The following PSMD10 variants were observed in gnomAD, a reference collection of about 807,000 sequenced individuals.
PSMD10 encodes proteasome 26S subunit, non-ATPase 10.
In PSMD10, 2 loss-of-function variants were observed where a neutral mutation model predicts 13.2. The ratio of observed to expected loss-of-function variants is 0.15; its 90% CI spans 0.06 to 0.48. The LOEUF is 0.48. PSMD10 is among the 20% of genes least tolerant of loss of function. The probability of loss-of-function intolerance (pLI) is 0.97; values close to 1 mark genes in which losing one functional copy is unlikely to be tolerated. For synonymous variants in PSMD10, 66 were observed against 64.4 expected (o/e 1.03, Z -0.12); for missense variants, 120 against 167.4 (o/e 0.72, Z 1.56).
intron 2 of PSMD10, 129 bp downstream of exon 2, chrX:108,088,623 T>C: frequency 4.1e-6 from 2 of 491,929 alleles, no homozygotes; most frequent in South Asian, 3.8e-5. Flanking sequence ...ACAAGGGCCA[T>C]GATGTAACTT....
chrX:108,090,676 G>C (rs1055353920), intron 1 of PSMD10, among the ~76,000 whole-genome samples: 2 of 111,863 alleles, frequency 1.8e-5, no homozygotes, highest in African/African-American at 6.5e-5. Context: ...AAATATTTGT[G>C]GGCTTACTAA....
rs1363477251 is a variant in PSMD10, at chrX:108,084,547, T to C, written c.*427A>G. The stretch of plus-strand genomic sequence containing the variant: ...ACGTTTGGCGTAGGCCTGAGTGAGC[T>C]TGAAAAACAAGTTAGGATGTTTTAA... On this transcript the variant is annotated 3_prime_UTR_variant, in exon 5 of 5. Transcript: ENST00000217958. 1 of 114,791 alleles carries C rather than the reference T, an allele frequency of 8.7e-6. No homozygotes were observed. The highest frequency in any genetic ancestry group is 1.8e-5 in the Non-Finnish European group (1 of 54,642). The allele number at this position is 114,791 out of a possible 1,213,427, so 9.5% of individuals were successfully genotyped here. A position where few individuals can be genotyped will look rare whatever the true frequency, so the allele number is the denominator to read the frequency against.
chrX:108,087,582 C>G (rs747488537), intron 4 of PSMD10, 104 bp downstream of exon 4: 1 of 1,062,235 alleles, frequency 9.4e-7, no homozygotes, highest in Admixed American at 3.1e-5. Flanking sequence ...GCCATTAACA[C>G]GTATTGCATT....
At chrX:108,088,209 C>A in intron 2 of PSMD10, 110 bp from the exon 3 acceptor site, 1 of 799,864 alleles carries the variant, frequency 1.3e-6, no homozygotes, top group South Asian at 2.9e-5. Context: ...AAATATTTGC[C>A]TACAAAAAAG....
chrX:108,088,880 T>G (rs1171920834), intron 1 of PSMD10, 30 bp from the exon 2 acceptor site: 1 of 1,071,719 alleles, frequency 9.3e-7, no homozygotes. Flanking sequence ...GAAACATTCT[T>G]GAAATAGAAG....
chrX:108,091,493 C>T lies in PSMD10; in HGVS notation c.28G>A (p.Val10Ile). MEGCVSNLM[V>I]CNLAYSGKLE... Reference sequence around the variant, plus strand: ...TTCCCGCTGTAGGCCAGGTTGCAGACCATTAGGTTAGACACACACCCCTCC... The same window carrying T: ...TTCCCGCTGTAGGCCAGGTTGCAGATCATTAGGTTAGACACACACCCCTCC... The change falls in exon 1 of 5, where the codon GTC becomes ATC. Residue 10 changes from valine to isoleucine, a missense_variant. Transcript: ENST00000217958. 1.6e-6 allele frequency: 2 copies of T among 1,212,153 alleles called. No homozygotes were observed. The highest frequency in any genetic ancestry group is 4.3e-5 in the Admixed American group (2 of 46,154).
intron 1 of PSMD10, among the ~76,000 whole-genome samples, chrX:108,090,181 A>G (rs1392836163): frequency 8.9e-6 from 1 of 112,304 alleles, no homozygotes; most frequent in Non-Finnish European, 1.9e-5. Flanking sequence ...CTATGAGACC[A>G]TTATTACACT....
In PSMD10 at chrX:108,087,810, T is replaced by C; in HGVS notation, c.403A>G (p.Lys135Glu). 1.7e-6 allele frequency: 2 copies of C among 1,211,753 alleles called. No individual in the cohort carries two copies. Among genetic ancestry groups the C allele is most frequent in the African/African-American group, 1.7e-5 (1 of 57,767 alleles). Residue 135 changes from lysine (K) to glutamate (E), a missense_variant, in exon 4 of 5, where the codon AAG becomes GAG. By Grantham distance (56) the Lys-to-Glu change is moderately conservative. Around this residue, in one of 3 missense-constraint regions of PSMD10, gnomAD observed 68 missense variants for 124.8 expected, o/e 0.54. Transcript: ENST00000217958. ...ATTGCTGTAGCCTCATAATGGTCCT[T>C]AGCATCTGGATTAGCCCCGCCTTCC... ...LLEGGANPDAKDHYEATAMHR... is the reference protein window; with the variant it reads ...LLEGGANPDAEDHYEATAMHR...
rs2031472088 is a variant in PSMD10, at chrX:108,084,509, A to T, written c.*465T>A. 1 of 113,003 alleles carries T rather than the reference A, an allele frequency of 8.8e-6. No homozygotes were observed. The highest frequency in any genetic ancestry group is 3.6e-4 in the South Asian group (1 of 2,787). 9.3% of individuals were successfully genotyped at this position (113,003 alleles called of 1,213,427 possible). On this transcript the variant is annotated 3_prime_UTR_variant, in exon 5 of 5. Transcript: ENST00000217958. ...CAAAAATAAATTAAACCTCATGGTT[A>T]AAAAAAACAGAAACGTTTGGCGTAG...
At chrX:108,088,617 G>C in intron 2 of PSMD10, 135 bp downstream of exon 2, 3 of 473,552 alleles carry the variant, frequency 6.3e-6, no homozygotes, top group Non-Finnish European at 1.1e-5. Flanking sequence ...TTGATCACAA[G>C]GGCCATGATG....
intron 1 of PSMD10, among the ~76,000 whole-genome samples, chrX:108,090,681 T>C (rs1271414594): frequency 8.9e-6 from 1 of 112,006 alleles, no homozygotes; most frequent in East Asian, 2.8e-4. Flanking sequence ...TTTGTGGGCT[T>C]ACTAAAGGCA....
Position 108,085,106 on chromosome X carries a change from C to T in PSMD10, c.549G>A (p.Glu183=). 1 of 1,205,313 alleles carries T rather than the reference C, an allele frequency of 8.3e-7. No homozygotes were observed. The highest frequency in any genetic ancestry group is 1.1e-6 in the Non-Finnish European group (1 of 892,604). ...CCAGCAGTTTTGCTTCTTCCACTCT[C>T]TCCTCATCACAGGCTAAGTGTCTGA... The part of the protein sequence containing the change: ...NTPLHLACDE[E]RVEEAKLLVS... Residue 183 remains glutamate, a synonymous_variant, in exon 5 of 5, where the codon GAG becomes GAA. Coordinates refer to ENST00000217958, the MANE Select transcript of PSMD10 (RefSeq NM_002814.4).
chrX:108,084,808 G>A lies in PSMD10; in HGVS notation c.*166C>T, dbSNP rs1186791767. On this transcript the variant is annotated 3_prime_UTR_variant, in exon 5 of 5. Transcript: ENST00000217958. Reference sequence around the variant, plus strand: ...TCGATGCCTGGAAAACAAGCTGTAAGCTTCGAACAAGTAACTCAGCAGGAA... The same window carrying A: ...TCGATGCCTGGAAAACAAGCTGTAAACTTCGAACAAGTAACTCAGCAGGAA... 1.9e-6 allele frequency: 1 copy of A among 513,399 alleles called. No homozygotes were observed. Among genetic ancestry groups the A allele is most frequent in the African/African-American group, 2.5e-5 (1 of 40,506 alleles). The allele number at this position is 513,399 out of a possible 1,213,427, so 42.3% of individuals were successfully genotyped here.
At chrX:108,087,012 A>C (rs1242373126) in intron 4 of PSMD10, 1 of 111,751 alleles carries the variant, frequency 8.9e-6, no homozygotes, top group Non-Finnish European at 1.9e-5. Flanking sequence ...TGTAACCTGG[A>C]GCTCCTGGGT....
At position 108,091,512 on chromosome X, in the gene PSMD10, C is replaced by T. The variant is rs749763253; in HGVS notation, c.9G>A (p.Gly3=). Residue 3 remains glycine, a synonymous_variant, in exon 1 of 5, where the codon GGG becomes GGA. Coordinates refer to ENST00000217958, the MANE Select transcript of PSMD10 (RefSeq NM_002814.4). ...TGCAGACCATTAGGTTAGACACACA[C>T]CCCTCCATTTCGCTGTCCCAGCAAC... ME[G]CVSNLMVCNL... 26 of 1,209,680 alleles carry T rather than the reference C, an allele frequency of 2.1e-5. No individual in the cohort carries two copies.
intron 1 of PSMD10, among the ~76,000 whole-genome samples, chrX:108,089,309 T>C (rs1465339685): frequency 9.0e-6 from 1 of 111,345 alleles, no homozygotes; most frequent in African/African-American, 3.3e-5. Context: ...GTCATATGGA[T>C]ACTAAATGGT....
chrX:108,091,134 A>G (rs1042276263), intron 1 of PSMD10, among the ~76,000 whole-genome samples: 1 of 113,622 alleles, frequency 8.8e-6, no homozygotes, highest in Admixed American at 9.2e-5. Context: ...CTTTTCACTG[A>G]TTGGGAGTTT....
At position 108,085,069 on chromosome X, in the gene PSMD10, C is replaced by T. The variant is rs2031480407; in HGVS notation, c.586G>A (p.Ala196Thr). ...TCTTTATTCTCAATGTAAATACTTG[C>T]TCCTTGGGACACCAGCAGTTTTGCT... ...EEAKLLVSQG[A>T]SIYIENKEEK... The change falls in exon 5 of 5, where the codon GCA (alanine) becomes ACA (threonine). Residue 196 changes from alanine (A) to threonine (T), a missense_variant. Coordinates refer to ENST00000217958, the MANE Select transcript of PSMD10 (RefSeq NM_002814.4). The T allele has an allele frequency of 8.3e-7, 1 of 1,207,643 alleles. No individual in the cohort carries two copies. Among genetic ancestry groups the T allele is most frequent in the Non-Finnish European group, 1.1e-6 (1 of 894,040 alleles).
intron 1 of PSMD10, 138 bp from the exon 2 acceptor site, chrX:108,088,988 A>G (rs2031532036): frequency 2.4e-6 from 1 of 410,400 alleles, no homozygotes; most frequent in Non-Finnish European, 4.3e-6. Flanking sequence ...ACCTTAAACT[A>G]TATTACTTAC....
Sources: gnomAD v4.1 joint callset for allele counts (sites outside exome capture counted in the v4.1 genomes callset) on GRCh38, gnomAD v4.1.1 for gene constraint, gnomAD v4.1.1 regional missense constraint, MANE v1.5 for transcripts, NCBI Gene and HGNC (gene_info 2026-07-23, HGNC 2026-07-21) for gene names.